TENT4A: variants seen among roughly 807,000 people sequenced by gnomAD.
The protein encoded by TENT4A is DNA polymerase kappa.
In TENT4A, 7 loss-of-function variants were observed where a neutral mutation model predicts 72.8. The observed-to-expected ratio is 0.10, with a 90% CI of 0.05 to 0.18. The LOEUF (loss-of-function observed/expected upper bound fraction) is 0.18, where lower values mean the gene tolerates loss of function less well. TENT4A is among the 10% of genes least tolerant of loss of function. The probability of loss-of-function intolerance (pLI) is 1.00; values close to 1 mark genes in which losing one functional copy is unlikely to be tolerated. For synonymous variants in TENT4A, 456 were observed against 434.3 expected, an observed-to-expected ratio of 1.05 and a Z score of -0.62; for missense variants, 831 against 1,017.7, an observed-to-expected ratio of 0.82 and a Z score of 2.50.
chr5:6,716,029 G>C (rs1395832954), intron 1 of TENT4A, among the ~76,000 whole-genome samples: 1 of 152,148 alleles, frequency 6.6e-6, no homozygotes, highest in African/African-American at 2.4e-5. Context: ...TATGTAACTG[G>C]AATGGACTCC....
intron 8 of TENT4A, among the ~76,000 whole-genome samples, chr5:6,749,208 C>G (rs1363931375): frequency 1.3e-5 from 2 of 152,106 alleles, no homozygotes; most frequent in Non-Finnish European, 2.9e-5. Flanking sequence ...AGGCGGAGCT[C>G]TGGGCCCCAT....
At chr5:6,716,157 C>G (rs1317083264) in intron 1 of TENT4A, among the ~76,000 whole-genome samples, 2 of 152,138 alleles carry the variant, frequency 1.3e-5, no homozygotes, top group Non-Finnish European at 1.5e-5. Flanking sequence ...TTGGGCTCCC[C>G]GAGCTGTTTC....
intron 1 of TENT4A, among the ~76,000 whole-genome samples, chr5:6,715,606 T>A (rs565993853): frequency 2.0e-3 from 311 of 152,298 alleles, no homozygotes; most frequent in African/African-American, 7.2e-3. Context: ...AAAAAACAAT[T>A]AAGGATTTGC....
intron 1 of TENT4A, among the ~76,000 whole-genome samples, chr5:6,736,141 G>A (rs369170262): frequency 4.6e-5 from 7 of 152,198 alleles, no homozygotes; most frequent in Non-Finnish European, 7.3e-5. Flanking sequence ...ATGAGCAAGC[G>A]TGCACAGCAT....
At chr5:6,743,176 A>G (rs1741907674) in intron 5 of TENT4A, among the ~76,000 whole-genome samples, 2 of 152,144 alleles carry the variant, frequency 1.3e-5, no homozygotes, top group African/African-American at 4.8e-5. Context: ...CACCCCTGCA[A>G]TCTGGTCCCA....
chr5:6,745,940 A>G, intron 6 of TENT4A: 1 of 1,045,142 alleles, frequency 9.6e-7, no homozygotes, highest in Non-Finnish European at 1.3e-6. Flanking sequence ...TATTTGGTTA[A>G]TCAGATATCT....
At chr5:6,754,489 T>C (rs936368467) in intron 12 of TENT4A, among the ~76,000 whole-genome samples, 8 of 152,174 alleles carry the variant, frequency 5.3e-5, no homozygotes, top group Non-Finnish European at 1.0e-4. Context: ...CTTATTTCTA[T>C]GGATAAGTGG....
intron 1 of TENT4A, among the ~76,000 whole-genome samples, chr5:6,722,994 A>C (rs1041869472): frequency 1.8e-4 from 28 of 152,216 alleles, no homozygotes; most frequent in Admixed American, 6.5e-5. Context: ...CTTTTAATTA[A>C]AATTTAAATG....
intron 5 of TENT4A, among the ~76,000 whole-genome samples, chr5:6,743,275 A>C (rs1448863176): frequency 6.6e-6 from 1 of 152,100 alleles, no homozygotes; most frequent in Admixed American, 6.5e-5. Context: ...CCCAAGCGCA[A>C]CACGAACAGC....
intron 5 of TENT4A, 136 bp from the exon 6 acceptor site, chr5:6,743,576 A>T: frequency 1.5e-6 from 1 of 668,364 alleles, no homozygotes. Flanking sequence ...AAAGTTTGAG[A>T]CTTAATGACT....
intron 1 of TENT4A, among the ~76,000 whole-genome samples, chr5:6,718,965 G>T (rs180725235): frequency 6.7e-6 from 1 of 150,084 alleles, no homozygotes; most frequent in Non-Finnish European, 1.5e-5. Context: ...CAATCTTTTC[G>T]CAGGAAAAAA....
chr5:6,751,378 A>G (rs555024119), intron 11 of TENT4A, 181 bp downstream of exon 11: 11 of 636,464 alleles, frequency 1.7e-5, no homozygotes, highest in East Asian at 5.6e-5. Context: ...TCCCCCATGT[A>G]TAGTTTCAGC....
intron 1 of TENT4A, among the ~76,000 whole-genome samples, chr5:6,732,142 G>A (rs540266470): frequency 5.3e-5 from 8 of 152,324 alleles, no homozygotes; most frequent in African/African-American, 1.9e-4. Context: ...CTGAGATGGG[G>A]GAGGAGCCAG....
intron 11 of TENT4A, among the ~76,000 whole-genome samples, chr5:6,752,446 G>C (rs1742457362): frequency 6.6e-6 from 1 of 152,234 alleles, no homozygotes; most frequent in South Asian, 2.1e-4. Context: ...TGACATAGAA[G>C]CAGCCTGGGA....
intron 6 of TENT4A, chr5:6,745,893 C>T (rs1870040): frequency 0.023 from 11,539 of 503,400 alleles, 159 homozygotes; most frequent in Non-Finnish European, 0.028. Flanking sequence ...ATCCAGGTGA[C>T]TAAGTTATGC....
chr5:6,739,170 A>G (rs1343963638), intron 3 of TENT4A, among the ~76,000 whole-genome samples: 2 of 152,220 alleles, frequency 1.3e-5, no homozygotes, highest in Non-Finnish European at 2.9e-5. Flanking sequence ...TAAAATACAA[A>G]CTAGTATTTT....
Position 6,714,225 on chromosome 5 carries a change from C to A in TENT4A, c.242C>A (p.Pro81His). 3.0e-6 allele frequency: 3 copies of A among 990,678 alleles called. No homozygotes were observed. The highest frequency in any genetic ancestry group is 3.6e-6 in the Non-Finnish European group (3 of 835,256). The allele number at this position is 990,678 out of a possible 1,614,324, so 61.4% of individuals were successfully genotyped here. A position where few individuals can be genotyped will look rare whatever the true frequency, so the allele number is the denominator to read the frequency against. Residue 81 changes from proline to histidine, a missense_variant, in exon 1 of 13, where the codon CCC (proline) becomes CAC (histidine). By Grantham distance (77) the Pro-to-His change is moderately conservative (BLOSUM62 -2). Around this residue, in one of 3 missense-constraint regions of TENT4A, gnomAD observed 302 missense variants for 293.8 expected, o/e 1.03. Transcript: ENST00000230859. ...CCCCCGCCGCCCGGCCCCACCGCGC[C>A]CGCCGCGCTGCCCCCCGCGCTGCTG... ...ASPPPPGPTA[P>H]AALPPALLTA...
chr5:6,728,635 G>A (rs1361375046), intron 1 of TENT4A, among the ~76,000 whole-genome samples: 1 of 152,230 alleles, frequency 6.6e-6, no homozygotes, highest in Non-Finnish European at 1.5e-5. Context: ...CTGACACAGC[G>A]TCAGCAGCAT....
At chr5:6,730,769 AAAAAAGCCTTG>A (rs904076519) in intron 1 of TENT4A, among the ~76,000 whole-genome samples, 9 of 151,964 alleles carry the variant, frequency 5.9e-5, no homozygotes, top group African/African-American at 2.2e-4. Flanking sequence ...AAAAAAAAAA[AAAAAAGCCTTG>A]AAGTCCTGCT....
Sources: gnomAD v4.1 joint callset for allele counts (sites outside exome capture counted in the v4.1 genomes callset) on GRCh38, gnomAD v4.1.1 for gene constraint, gnomAD v4.1.1 regional missense constraint, MANE v1.5 for transcripts, NCBI Gene and HGNC (gene_info 2026-07-23, HGNC 2026-07-21) for gene names.